PASD1: variants seen among roughly 807,000 people sequenced by gnomAD.
PASD1 encodes the protein PAS domain containing repressor 1.
Under a neutral mutation model 58.8 loss-of-function variants are expected in PASD1, and 13 were observed. The observed-to-expected ratio is 0.22, with a 90% CI of 0.14 to 0.35. The LOEUF (loss-of-function observed/expected upper bound fraction) is 0.35. PASD1 is among the 10% of genes least tolerant of loss of function. The pLI is 1.00. For missense variants in PASD1, 734 were observed against 568.3 expected (o/e 1.29, Z -2.96); for synonymous variants, 236 against 216.7 (o/e 1.09, Z -0.78).
intron 8 of PASD1, among the ~76,000 whole-genome samples, chrX:151,629,654 C>T: frequency 8.9e-6 from 1 of 111,940 alleles, no homozygotes; most frequent in Non-Finnish European, 1.9e-5. Flanking sequence ...AAGATACCTA[C>T]AAGACAACAT....
At chrX:151,629,682 T>A (rs1310210796) in intron 8 of PASD1, among the ~76,000 whole-genome samples, 2 of 112,155 alleles carry the variant, frequency 1.8e-5, no homozygotes, top group African/African-American at 6.5e-5. Flanking sequence ...CAACATGAAC[T>A]CAAGTTTTGC....
intron 4 of PASD1, among the ~76,000 whole-genome samples, chrX:151,616,171 G>T (rs187284621): frequency 1.8e-5 from 2 of 111,918 alleles, no homozygotes; most frequent in African/African-American, 3.2e-5. Context: ...GCAGATGAAA[G>T]AAATGATCTA....
chrX:151,642,330 T>C (rs909270144), intron 8 of PASD1, among the ~76,000 whole-genome samples: 2 of 110,786 alleles, frequency 1.8e-5, no homozygotes, highest in African/African-American at 6.5e-5. Flanking sequence ...TGATTTTGGC[T>C]CACAGGCCAT....
intron 15 of PASD1, among the ~76,000 whole-genome samples, chrX:151,674,802 T>C (rs954257700): frequency 3.6e-5 from 4 of 112,294 alleles, no homozygotes; most frequent in African/African-American, 1.3e-4. Flanking sequence ...TCACTCTAGC[T>C]TTAAAAATCT....
chrX:151,633,809 T>C (rs2013897090), intron 8 of PASD1, among the ~76,000 whole-genome samples: 2 of 112,490 alleles, frequency 1.8e-5, no homozygotes. Flanking sequence ...AAAAGTCTAA[T>C]AAATATAAAA....
Position 151,563,852 on chromosome X carries a change from C to T in PASD1, c.-28+13C>T, listed in dbSNP as rs2012784820. 1 of 112,184 alleles carries T rather than the reference C, an allele frequency of 8.9e-6. No individual in the cohort carries two copies. Among genetic ancestry groups the T allele is most frequent in the Non-Finnish European group, 1.9e-5 (1 of 53,175 alleles). 9.2% of individuals were successfully genotyped at this position (112,184 alleles called of 1,213,427 possible). On this transcript the variant is annotated intron_variant, in intron 1 of 15. Coordinates refer to ENST00000370357, the MANE Select transcript of PASD1 (RefSeq NM_173493.3). ...GAGTTCCACAAGGGTGAGTGAAGTC[C>T]GTTAATGAAAGCTACTGCAAAGTAA...
chrX:151,673,162 C>A, intron 14 of PASD1: 1 of 124,216 alleles, frequency 8.1e-6, no homozygotes, highest in Non-Finnish European at 1.7e-5. Flanking sequence ...CTAAGATCAG[C>A]CAAGAACACA....
chrX:151,672,060 T>C, intron 13 of PASD1, 123 bp from the exon 14 acceptor site: 1 of 1,027,228 alleles, frequency 9.7e-7, no homozygotes, highest in East Asian at 3.3e-5. Flanking sequence ...CAGATCACTA[T>C]GTGCAGAGAG....
At chrX:151,668,852 G>A (rs1370130975) in intron 11 of PASD1, among the ~76,000 whole-genome samples, 2 of 106,694 alleles carry the variant, frequency 1.9e-5, no homozygotes, top group Non-Finnish European at 3.9e-5. Flanking sequence ...TACCTAACTC[G>A]TTTTATGAGG....
chrX:151,568,269 T>C (rs2178795), intron 1 of PASD1, among the ~76,000 whole-genome samples: 8 of 111,896 alleles, frequency 7.1e-5, no homozygotes, highest in Non-Finnish European at 1.5e-4. Context: ...AATGTCCCAG[T>C]AGGGTAGGAT....
At chrX:151,576,760 G>A (rs762308547) in intron 1 of PASD1, among the ~76,000 whole-genome samples, 76 of 111,559 alleles carry the variant, frequency 6.8e-4, no homozygotes, top group African/African-American at 2.3e-3. Flanking sequence ...GTTAATTTTC[G>A]CCAACTACTG....
At chrX:151,621,255 T>G (rs2013704473) in intron 5 of PASD1, among the ~76,000 whole-genome samples, 1 of 111,805 alleles carries the variant, frequency 8.9e-6, no homozygotes, top group Non-Finnish European at 1.9e-5. Flanking sequence ...ATTTGTACAA[T>G]TGCATTAGTG....
At chrX:151,667,459 G>A (rs747894276) in intron 11 of PASD1, among the ~76,000 whole-genome samples, 1 of 111,908 alleles carries the variant, frequency 8.9e-6, no homozygotes, top group Admixed American at 9.5e-5. Context: ...CCTTGCCCAC[G>A]CCTATGTCCT....
chrX:151,644,641 G>A (rs1017611892), intron 8 of PASD1, among the ~76,000 whole-genome samples: 2 of 111,376 alleles, frequency 1.8e-5, no homozygotes, highest in Non-Finnish European at 3.8e-5. Context: ...TAGAGACATA[G>A]GGTGGTCAAT....
chrX:151,613,426 G>A (rs923748417), intron 4 of PASD1, among the ~76,000 whole-genome samples: 1 of 108,502 alleles, frequency 9.2e-6, no homozygotes, highest in Admixed American at 9.8e-5. Context: ...CCATTTTCAC[G>A]ATATTGATTC....
At chrX:151,674,461 G>A (rs761119996) in intron 15 of PASD1, among the ~76,000 whole-genome samples, 9 of 112,864 alleles carry the variant, frequency 8.0e-5, no homozygotes, top group Non-Finnish European at 1.5e-4. Context: ...GGCAAAGTGA[G>A]CCATGCCATG....
chrX:151,620,540 G>T (rs1284885225), intron 4 of PASD1, among the ~76,000 whole-genome samples: 3 of 110,821 alleles, frequency 2.7e-5, no homozygotes. Flanking sequence ...GGAGCAAATT[G>T]TCTAAATAAA....
intron 1 of PASD1, among the ~76,000 whole-genome samples, chrX:151,580,860 A>G (rs780539914): frequency 9.0e-6 from 1 of 111,230 alleles, no homozygotes; most frequent in Admixed American, 9.6e-5. Flanking sequence ...TTTTCAACTT[A>G]TTTTGAATGA....
chrX:151,661,363 C>T (rs1025940865), intron 10 of PASD1, among the ~76,000 whole-genome samples: 10 of 111,273 alleles, frequency 9.0e-5, no homozygotes, highest in African/African-American at 3.3e-4. Flanking sequence ...GGTATGCAAC[C>T]CCAGGCTGCA....
Sources: allele counts gnomAD v4.1 joint callset (sites outside exome capture counted in the v4.1 genomes callset), GRCh38; gene constraint gnomAD v4.1.1; transcripts MANE v1.5; gene names NCBI Gene and HGNC (gene_info 2026-07-23, HGNC 2026-07-21).